COL5A2: variants seen among roughly 807,000 people sequenced by gnomAD.
COL5A2 encodes collagen alpha-2(V) chain.
A neutral mutation model predicts 208.2 loss-of-function variants in COL5A2; 23 were observed. The observed-to-expected ratio is 0.11, with a 90% CI of 0.08 to 0.16. The LOEUF is 0.16. COL5A2 is among the 10% of genes least tolerant of loss of function. The pLI, the probability that COL5A2 is intolerant of heterozygous loss-of-function variation, is 1.00. For missense variants in COL5A2, 1,590 were observed against 1,956.4 expected (o/e 0.81, Z 3.53); for synonymous variants, 625 against 628.5 (o/e 0.99, Z 0.08).
At chr2:189,253,624 T>C in the COL5A2 span, among the ~76,000 whole-genome samples, 999 of 152,366 alleles carry the variant, frequency 6.6e-3, 3 homozygotes, top group Non-Finnish European at 0.01. Context: ...TCAGTTTGAT[T>C]TCCATCTGCT....
chr2:189,175,863 T>C (rs574000440), intron 1 of COL5A2, among the ~76,000 whole-genome samples: 2 of 152,290 alleles, frequency 1.3e-5, no homozygotes, highest in South Asian at 4.1e-4. Flanking sequence ...AGAAAACCTT[T>C]TTTTGTTTGT....
intron 18 of COL5A2, among the ~76,000 whole-genome samples, 163 bp downstream of exon 18, chr2:189,071,877 A>G (rs1011840850): frequency 1.4e-4 from 22 of 152,172 alleles, no homozygotes; most frequent in Admixed American, 1.0e-3. Flanking sequence ...TTATTTTTTA[A>G]TGTATCTTTT....
At chr2:189,341,952 T>G in the COL5A2 span, among the ~76,000 whole-genome samples, 1 of 152,106 alleles carries the variant, frequency 6.6e-6, no homozygotes, top group Non-Finnish European at 1.5e-5. Context: ...TTCCGTATTA[T>G]CTAAAGAAAA....
At chr2:189,418,581 G>A in the COL5A2 span, among the ~76,000 whole-genome samples, 3 of 152,196 alleles carry the variant, frequency 2.0e-5, no homozygotes, top group Non-Finnish European at 2.9e-5. Context: ...TGGACACGAA[G>A]TCCATTTTCC....
the COL5A2 span, among the ~76,000 whole-genome samples, chr2:189,306,642 T>G: frequency 1.3e-3 from 198 of 152,324 alleles, 1 homozygote; most frequent in African/African-American, 3.8e-3. Flanking sequence ...TGTTAGCTTG[T>G]TTTTATTACC....
chr2:189,193,548 CACA>C (rs1688956915), intron 1 of COL5A2, among the ~76,000 whole-genome samples: 2 of 152,170 alleles, frequency 1.3e-5, no homozygotes, highest in African/African-American at 2.4e-5. Context: ...AAAGGACTTT[CACA>C]ACAATACCCC....
chr2:189,281,160 T>C, the COL5A2 span, among the ~76,000 whole-genome samples: 1 of 152,176 alleles, frequency 6.6e-6, no homozygotes, highest in African/African-American at 2.4e-5. Context: ...AGAATGGATT[T>C]TTTATTATTA....
chr2:189,058,744 A>G, intron 32 of COL5A2, 105 bp downstream of exon 32: 1 of 1,115,472 alleles, frequency 9.0e-7, no homozygotes, highest in South Asian at 1.4e-5. Flanking sequence ...ATCCAGTCAA[A>G]GAATTTATAG....
In COL5A2 at chr2:189,079,059, A is replaced by G. The variant is rs1686475981; in HGVS notation, c.1005+4T>C. Reference sequence around the variant, plus strand: ...ATTTAAGAAACAAGAAAACGAGCACATACCAGAGGACCCATGGCACCCATT... The same window carrying G: ...ATTTAAGAAACAAGAAAACGAGCACGTACCAGAGGACCCATGGCACCCATT... On this transcript the variant is annotated splice_donor_region_variant and intron_variant, in intron 15 of 53. Transcript: ENST00000374866. The G allele has an allele frequency of 5.0e-6, 8 of 1,611,636 alleles. No individual in the cohort carries two copies. The highest frequency in any genetic ancestry group is 6.8e-6 in the Non-Finnish European group (8 of 1,177,964).
intron 1 of COL5A2, among the ~76,000 whole-genome samples, chr2:189,152,483 C>T (rs1055998017): frequency 1.8e-4 from 27 of 152,206 alleles, no homozygotes; most frequent in African/African-American, 6.0e-4. Flanking sequence ...TAGCTCAACT[C>T]AAAATACAGA....
chr2:189,053,056 A>T, intron 38 of COL5A2, 38 bp from the exon 39 acceptor site: 1 of 1,472,990 alleles, frequency 6.8e-7, no homozygotes, highest in African/African-American at 1.4e-5. Flanking sequence ...TGATTATAAG[A>T]CTTATAGACA....
At chr2:189,057,548 A>G (rs1685928279) in intron 33 of COL5A2, 121 bp from the exon 34 acceptor site, 8 of 733,744 alleles carry the variant, frequency 1.1e-5, no homozygotes, top group Non-Finnish European at 1.9e-5. Context: ...TAGTGCTTAT[A>G]TTTTTCATCT....
the COL5A2 span, among the ~76,000 whole-genome samples, chr2:189,251,035 G>A: frequency 6.6e-6 from 1 of 152,086 alleles, no homozygotes; most frequent in African/African-American, 2.4e-5. Flanking sequence ...TCAATCACAT[G>A]CAAAATGGGA....
intron 5 of COL5A2, chr2:189,097,553 G>A (rs1686946911): frequency 8.9e-6 from 6 of 674,604 alleles, no homozygotes. Flanking sequence ...AGAACTAGGT[G>A]CACATTATGG....
chr2:189,057,453 C>CATACCAATAATA, intron 33 of COL5A2, 26 bp from the exon 34 acceptor site: 1 of 1,496,790 alleles, frequency 6.7e-7, no homozygotes, highest in East Asian at 2.3e-5. Flanking sequence ...ATTAAGTGAC[C>CATACCAATAATA]ATACCAATAA....
At chr2:189,393,926 G>C in the COL5A2 span, among the ~76,000 whole-genome samples, 1 of 152,112 alleles carries the variant, frequency 6.6e-6, no homozygotes. Flanking sequence ...CTTAAAAGAC[G>C]TTCTGTCCAC....
intron 1 of COL5A2, among the ~76,000 whole-genome samples, chr2:189,151,817 T>C (rs1009945617): frequency 6.6e-6 from 1 of 152,176 alleles, no homozygotes; most frequent in Non-Finnish European, 1.5e-5. Context: ...TTGGTTAAAC[T>C]CTATCCTAGT....
chr2:189,285,395 G>A, the COL5A2 span, among the ~76,000 whole-genome samples: 1 of 152,052 alleles, frequency 6.6e-6, no homozygotes, highest in African/African-American at 2.4e-5. Flanking sequence ...TCCAGAGAAA[G>A]TTAAGACAAT....
chr2:189,110,584 C>T, intron 1 of COL5A2, 135 bp from the exon 2 acceptor site: 1 of 705,858 alleles, frequency 1.4e-6, no homozygotes, highest in South Asian at 1.6e-5. Context: ...CACAGATGAA[C>T]TGATTTCATT....
Sources: allele counts gnomAD v4.1 joint callset (sites outside exome capture counted in the v4.1 genomes callset), GRCh38; gene constraint gnomAD v4.1.1; transcripts MANE v1.5; gene names NCBI Gene and HGNC (gene_info 2026-07-23, HGNC 2026-07-21).